Variants in AK8 observed in about 807,000 individuals in gnomAD.
AK8 encodes the protein adenylate kinase 8.
In AK8, 44 loss-of-function variants were observed where a neutral mutation model predicts 54.6. The observed-to-expected ratio is 0.81, with a 90% CI of 0.63 to 1.04. The LOEUF is 1.04. AK8 is among the 50% of genes least tolerant of loss of function. The probability of loss-of-function intolerance (pLI) is 0.00; values close to 1 mark genes in which losing one functional copy is unlikely to be tolerated. For missense variants in AK8, 555 were observed against 613.6 expected, an observed-to-expected ratio of 0.90 and a Z score of 1.01; for synonymous variants, 239 against 245.6, an observed-to-expected ratio of 0.97 and a Z score of 0.25.
intron 10 of AK8, among the ~76,000 whole-genome samples, chr9:132,804,362 CAG>C (rs966899105): frequency 3.3e-5 from 5 of 152,160 alleles, no homozygotes; most frequent in Admixed American, 6.5e-5. Context: ...TGAGCAGAAA[CAG>C]GGGGATCCTG....
At position 132,855,007 on chromosome 9, in the gene AK8, C is replaced by A. The variant is rs535065841; in HGVS notation, c.334-82G>T. 7 of 1,452,130 alleles carry A rather than the reference C, an allele frequency of 4.8e-6. No homozygotes were observed. The African/African-American group carries it at 8.4e-5, about 17-fold the overall frequency. 90.0% of individuals were successfully genotyped at this position (1,452,130 alleles called of 1,614,324 possible). On this transcript the variant is annotated intron_variant, in intron 4 of 12. Transcript: ENST00000298545. ...ACACAGACCAGCACACACCCTTCAC[C>A]AACGCCCTGGCCTCTGGAAAGCACC...
intron 5 of AK8, among the ~76,000 whole-genome samples, chr9:132,839,201 C>T (rs1695572454): frequency 6.6e-6 from 1 of 152,204 alleles, no homozygotes; most frequent in African/African-American, 2.4e-5. Context: ...GCCTAGGCCT[C>T]CCACGGTGCT....
At chr9:132,757,055 C>T (rs999716600) in intron 11 of AK8, among the ~76,000 whole-genome samples, 10 of 152,336 alleles carry the variant, frequency 6.6e-5, no homozygotes, top group South Asian at 2.1e-4. Flanking sequence ...TCGGAATCAT[C>T]GCATTCCAGT....
rs1333448598 is a variant in AK8 at position 132,787,591 on chromosome 9, A to G, written c.1121+5043T>C. ...ATTTACCTCCCATACACTGTTTCTC[A>G]GGAAGTTACTGATAGATGTGTTCAA... On this transcript the variant is annotated intron_variant, in intron 11 of 12. Coordinates refer to ENST00000298545, the MANE Select transcript of AK8 (RefSeq NM_152572.3). Among the ~76,000 whole-genome samples the G allele has an allele frequency of 2.0e-5, 3 of 152,342 alleles. No individual in the cohort carries two copies. In the East Asian group the frequency reaches 5.8e-4, roughly 29 times the overall value.
chr9:132,832,470 T>C (rs1842150361), intron 5 of AK8, among the ~76,000 whole-genome samples: 1 of 152,218 alleles, frequency 6.6e-6, no homozygotes, highest in Non-Finnish European at 1.5e-5. Context: ...CAACATTTTC[T>C]GAACTTTAGC....
chr9:132,806,102 G>GTC (rs1840712426), intron 10 of AK8, among the ~76,000 whole-genome samples: 1 of 7,068 alleles, frequency 1.4e-4, no homozygotes, highest in Non-Finnish European at 3.3e-4. Context: ...ACTGCTTGGC[G>GTC]TGTGTGTGTG....
chr9:132,873,755 A>G (rs1392986409), intron 2 of AK8, among the ~76,000 whole-genome samples: 1 of 152,020 alleles, frequency 6.6e-6, no homozygotes, highest in Non-Finnish European at 1.5e-5. Context: ...GAATGCAGGA[A>G]CTACCTCCAC....
chr9:132,743,652 T>C (rs192934402), intron 11 of AK8, among the ~76,000 whole-genome samples: 18 of 152,340 alleles, frequency 1.2e-4, no homozygotes, highest in Admixed American at 3.9e-4. Flanking sequence ...TTTTACTTCT[T>C]GGTTTTAATT....
At chr9:132,730,572 G>C (rs1482649127) in intron 11 of AK8, among the ~76,000 whole-genome samples, 1 of 152,000 alleles carries the variant, frequency 6.6e-6, no homozygotes, top group African/African-American at 2.4e-5. Context: ...ATCCCGTCAG[G>C]AGCCTTTGAT....
chr9:132,841,484 T>C (rs1298947527), intron 5 of AK8, among the ~76,000 whole-genome samples: 1 of 152,164 alleles, frequency 6.6e-6, no homozygotes, highest in African/African-American at 2.4e-5. Context: ...TATTTTCCAG[T>C]CTGTGATATT....
intron 11 of AK8, among the ~76,000 whole-genome samples, chr9:132,756,105 C>T (rs772193120): frequency 6.6e-6 from 1 of 152,180 alleles, no homozygotes; most frequent in African/African-American, 2.4e-5. Context: ...TCCTCAGCTG[C>T]CCTTAGCTTT....
chr9:132,870,467 T>C (rs1431048324), intron 2 of AK8, among the ~76,000 whole-genome samples: 1 of 152,178 alleles, frequency 6.6e-6, no homozygotes, highest in Non-Finnish European at 1.5e-5. Flanking sequence ...AGAAAACCCT[T>C]AGGTATTGGA....
chr9:132,797,993 C>T (rs1038901841), intron 10 of AK8, among the ~76,000 whole-genome samples: 1 of 152,218 alleles, frequency 6.6e-6, no homozygotes, highest in African/African-American at 2.4e-5. Flanking sequence ...TTATAAGGAA[C>T]AGCAACACAT....
At chr9:132,760,177 T>C (rs1051002351) in intron 11 of AK8, among the ~76,000 whole-genome samples, 1 of 151,954 alleles carries the variant, frequency 6.6e-6, no homozygotes, top group South Asian at 2.1e-4. Flanking sequence ...TCTTCTGCTA[T>C]ACGTTGTTAA....
chr9:132,750,498 C>T (rs994552677), intron 11 of AK8, among the ~76,000 whole-genome samples: 2 of 151,930 alleles, frequency 1.3e-5, no homozygotes, highest in African/African-American at 4.8e-5. Flanking sequence ...CTGTGGCCTT[C>T]CCAGCACAAT....
intron 3 of AK8, 115 bp downstream of exon 3, chr9:132,866,789 A>T (rs1843618045): frequency 9.8e-7 from 1 of 1,019,968 alleles, no homozygotes. Context: ...AAGGAGGAGA[A>T]GGAAAAGAAG....
intron 9 of AK8, among the ~76,000 whole-genome samples, chr9:132,820,443 C>T (rs1410517942): frequency 1.3e-5 from 2 of 152,176 alleles, no homozygotes; most frequent in African/African-American, 2.4e-5. Context: ...ACAGCTGCCT[C>T]GCAATCCATT....
rs215171 is a variant in AK8, at chr9:132,803,087, G to A, written c.980-10312C>T. 0.28 allele frequency among the ~76,000 whole-genome samples: 42,895 copies of A among 152,008 alleles called. 6,211 individuals are homozygous for A. The highest frequency in any genetic ancestry group is 0.49 in the East Asian group (2,524 of 5,152). On this transcript the variant is annotated intron_variant, in intron 10 of 12. Coordinates refer to ENST00000298545, the MANE Select transcript of AK8 (RefSeq NM_152572.3). The surrounding 1 kb of genome is among the most constrained non-coding windows in gnomAD (Gnocchi z 4.4). The stretch of plus-strand genomic sequence containing the variant: ...GCGGCAGCCAGGAGAGGTGCAGAGC[G>A]AAGGGGCAGAGCGGGGGAAAGCCCT...
intron 4 of AK8, among the ~76,000 whole-genome samples, chr9:132,858,342 G>A (rs1176207111): frequency 6.6e-6 from 1 of 152,254 alleles, no homozygotes; most frequent in African/African-American, 2.4e-5. Context: ...TGCCAACCCT[G>A]GCTCTGCCCC....
Sources: allele counts gnomAD v4.1 joint callset (sites outside exome capture counted in the v4.1 genomes callset), GRCh38; gene constraint gnomAD v4.1.1; non-coding constraint Gnocchi (gnomAD v3.1); transcripts MANE v1.5; gene names NCBI Gene and HGNC (gene_info 2026-07-23, HGNC 2026-07-21).